DACH2: variants seen among roughly 807,000 people sequenced by gnomAD.
DACH2 encodes dachshund family transcription factor 2.
Under a neutral mutation model 35.8 loss-of-function variants are expected in DACH2, and 17 were observed. That is an observed-to-expected ratio of 0.48 (90% CI 0.33 to 0.71). The LOEUF (loss-of-function observed/expected upper bound fraction) is 0.71, where lower values mean the gene tolerates loss of function less well. DACH2 is among the 30% of genes least tolerant of loss of function. The probability of loss-of-function intolerance (pLI) is 0.02; values close to 1 mark genes in which losing one functional copy is unlikely to be tolerated. For synonymous variants in DACH2, 195 were observed against 177.3 expected (o/e 1.10, Z -0.79); for missense variants, 469 against 472.7 (o/e 0.99, Z 0.07).
chrX:86,450,583 T>TC (rs997897033), intron 2 of DACH2, among the ~76,000 whole-genome samples: 5 of 111,099 alleles, frequency 4.5e-5, no homozygotes, highest in African/African-American at 9.8e-5. Flanking sequence ...TTCGGGTATG[T>TC]CCCCAGTAAT....
intron 2 of DACH2, among the ~76,000 whole-genome samples, chrX:86,480,389 C>A (rs1411514054): frequency 8.9e-6 from 1 of 111,958 alleles, no homozygotes; most frequent in African/African-American, 3.2e-5. Context: ...ACCCCTTTGG[C>A]CACCACCACT....
intron 7 of DACH2, among the ~76,000 whole-genome samples, chrX:86,740,140 G>A (rs2041638677): frequency 9.0e-6 from 1 of 110,639 alleles, no homozygotes; most frequent in African/African-American, 3.3e-5. Flanking sequence ...TGAAATTTTT[G>A]TAGAGTATGG....
chrX:86,648,072 A>G lies in DACH2; in HGVS notation c.641-2964A>G, dbSNP rs1285226615. Among the ~76,000 whole-genome samples the G allele has an allele frequency of 3.6e-5, 4 of 110,792 alleles. No individual in the cohort carries two copies. The East Asian group carries it at 1.1e-3, about 31-fold the overall frequency. ...AGTTATCGGTAAGTGCAAAATGTGA[A>G]TGTTTTCCCAGTAACATTGAATCTC... On this transcript the variant is annotated intron_variant, in intron 3 of 11. Transcript: ENST00000373125.
At chrX:86,319,584 G>T (rs1397617437) in intron 1 of DACH2, among the ~76,000 whole-genome samples, 3 of 111,913 alleles carry the variant, frequency 2.7e-5, no homozygotes, top group Non-Finnish European at 5.6e-5. Flanking sequence ...AGTTTTTAAA[G>T]GCCAAAGAAG....
At chrX:86,613,695 T>G (rs778035509) in intron 3 of DACH2, among the ~76,000 whole-genome samples, 10 of 111,345 alleles carry the variant, frequency 9.0e-5, no homozygotes, top group African/African-American at 1.3e-4. Flanking sequence ...TTCCTGAGAA[T>G]AAGGTACTAT....
chrX:86,205,286 A>T (rs1278492026), intron 1 of DACH2, among the ~76,000 whole-genome samples: 1 of 110,927 alleles, frequency 9.0e-6, no homozygotes, highest in African/African-American at 3.3e-5. Context: ...TGCCCAATAG[A>T]AAATGAGTTT....
At chrX:86,534,894 T>G (rs1237849970) in intron 3 of DACH2, among the ~76,000 whole-genome samples, 1 of 112,063 alleles carries the variant, frequency 8.9e-6, no homozygotes, top group Admixed American at 9.5e-5. Context: ...ATTAAATTTA[T>G]ATTTTTTCAA....
chrX:86,178,812 T>C (rs1348865512), intron 1 of DACH2, among the ~76,000 whole-genome samples: 3 of 111,933 alleles, frequency 2.7e-5, no homozygotes, highest in Non-Finnish European at 5.7e-5. Context: ...CATTAGCTCT[T>C]ATTTCTGAAA....
At chrX:86,756,504 G>C (rs1435788284) in intron 7 of DACH2, among the ~76,000 whole-genome samples, 1 of 101,207 alleles carries the variant, frequency 9.9e-6, no homozygotes, top group Non-Finnish European at 2.0e-5. Flanking sequence ...TGTAGCTATT[G>C]CAAATGGGAT....
intron 1 of DACH2, among the ~76,000 whole-genome samples, chrX:86,296,380 C>CAAAA (rs61713614): frequency 2.9e-4 from 20 of 68,431 alleles, no homozygotes; most frequent in Non-Finnish European, 4.7e-4. Flanking sequence ...GACTCCATCT[C>CAAAA]AAAAAAAAAA....
chrX:86,574,278 C>G (rs190273297), intron 3 of DACH2, among the ~76,000 whole-genome samples: 2 of 111,142 alleles, frequency 1.8e-5, no homozygotes, highest in Admixed American at 1.9e-4. Flanking sequence ...CTGTTCAAAG[C>G]AGGTCTTCTT....
chrX:86,671,632 C>T (rs1173480523), intron 4 of DACH2, among the ~76,000 whole-genome samples: 1 of 111,667 alleles, frequency 9.0e-6, no homozygotes, highest in African/African-American at 3.3e-5. Context: ...TTCCTGAGAC[C>T]TCCACACCCA....
chrX:86,610,613 A>AT (rs1219743816), intron 3 of DACH2, among the ~76,000 whole-genome samples: 2 of 107,726 alleles, frequency 1.9e-5, no homozygotes, highest in Non-Finnish European at 3.8e-5. Flanking sequence ...AGCTCAGTTA[A>AT]TTTTTGTGTT....
chrX:86,291,016 G>A (rs1264472003), intron 1 of DACH2, among the ~76,000 whole-genome samples: 1 of 105,914 alleles, frequency 9.4e-6, no homozygotes, highest in Non-Finnish European at 1.9e-5. Flanking sequence ...ACCTTGGGCA[G>A]TATGGCCATT....
chrX:86,678,154 G>A (rs1332991247), intron 4 of DACH2, among the ~76,000 whole-genome samples: 1 of 112,004 alleles, frequency 8.9e-6, no homozygotes, highest in African/African-American at 3.2e-5. Flanking sequence ...GGGTGCAGGT[G>A]TTCACACCAA....
At chrX:86,501,817 T>C (rs1200273808) in intron 2 of DACH2, among the ~76,000 whole-genome samples, 2 of 111,899 alleles carry the variant, frequency 1.8e-5, no homozygotes, top group Admixed American at 9.5e-5. Context: ...TTGTCTCCTG[T>C]TGTGCTAATT....
intron 2 of DACH2, among the ~76,000 whole-genome samples, chrX:86,413,788 A>G (rs776185027): frequency 2.8e-4 from 31 of 111,224 alleles, no homozygotes; most frequent in Non-Finnish European, 5.5e-4. Flanking sequence ...CCAATTATGC[A>G]TTCTGGCACT....
chrX:86,341,751 A>G (rs1006910723), intron 1 of DACH2, among the ~76,000 whole-genome samples: 4 of 112,428 alleles, frequency 3.6e-5, no homozygotes, highest in Non-Finnish European at 5.6e-5. Context: ...ATATATCAAC[A>G]TCAACAGGAG....
chrX:86,153,968 A>G (rs2030456573), intron 1 of DACH2, among the ~76,000 whole-genome samples: 1 of 111,763 alleles, frequency 8.9e-6, no homozygotes, highest in Admixed American at 9.5e-5. Context: ...CTCAATGTAT[A>G]GCACATGAAT....
Sources: gnomAD v4.1 joint callset for allele counts (sites outside exome capture counted in the v4.1 genomes callset) on GRCh38, gnomAD v4.1.1 for gene constraint, MANE v1.5 for transcripts, NCBI Gene and HGNC (gene_info 2026-07-23, HGNC 2026-07-21) for gene names.